The following ATG7 variants were observed in gnomAD, a reference collection of about 807,000 sequenced individuals.
The protein encoded by ATG7 is autophagy related 7, also known as ubiquitin-like modifier-activating enzyme ATG7.
Under a neutral mutation model 82.4 loss-of-function variants are expected in ATG7, and 70 were observed. That is an observed-to-expected ratio of 0.85 (90% CI 0.70 to 1.04). ATG7 has a LOEUF of 1.04. Ranked by LOEUF, ATG7 falls within the 50% of genes least tolerant of loss-of-function variation. The pLI is 0.00. For synonymous variants in ATG7, 287 were observed against 313.0 expected (o/e 0.92, Z 0.88); for missense variants, 792 against 864.3 (o/e 0.92, Z 1.05).
chr3:11,497,244 G>T (rs2090901919), intron 20 of ATG7, among the ~76,000 whole-genome samples: 1 of 149,034 alleles, frequency 6.7e-6, no homozygotes, highest in Non-Finnish European at 1.5e-5. Context: ...AGGCACAGTG[G>T]CTCATGCCTG....
At chr3:11,379,570 T>C (rs1321346873) in intron 18 of ATG7, among the ~76,000 whole-genome samples, 4 of 152,208 alleles carry the variant, frequency 2.6e-5, no homozygotes, top group African/African-American at 9.7e-5. Flanking sequence ...AATCATGTCA[T>C]AGAAATGTGT....
At chr3:11,560,067 C>G (rs1003709125), downstream of ATG7, among the ~76,000 whole-genome samples, 1 of 152,130 alleles carries the variant, frequency 6.6e-6, no homozygotes, top group East Asian at 1.9e-4. Flanking sequence ...CCCCCACCCC[C>G]ACGCTGTCTG....
At chr3:11,336,046 T>C (rs1952425028) in intron 11 of ATG7, among the ~76,000 whole-genome samples, 2 of 149,268 alleles carry the variant, frequency 1.3e-5, no homozygotes, top group Non-Finnish European at 3.0e-5. Context: ...ATTTTTTTTT[T>C]TTTTTTTTTT....
intron 18 of ATG7, among the ~76,000 whole-genome samples, chr3:11,367,960 C>G (rs2076736856): frequency 6.6e-6 from 1 of 151,816 alleles, no homozygotes; most frequent in Non-Finnish European, 1.5e-5. Flanking sequence ...GTCTTATACC[C>G]AGCACACAGA....
intron 20 of ATG7, among the ~76,000 whole-genome samples, chr3:11,435,884 AAG>A (rs967501450): frequency 1.3e-5 from 2 of 152,186 alleles, no homozygotes; most frequent in African/African-American, 4.8e-5. Flanking sequence ...GCCACAGTAT[AAG>A]AGAGAACAGC....
chr3:11,447,068 T>G (rs2084633134), intron 20 of ATG7: 1 of 152,296 alleles, frequency 6.6e-6, no homozygotes, highest in South Asian at 2.1e-4. Context: ...ATTTACTCAC[T>G]TGATCATCAT....
chr3:11,279,705 A>G (rs1324480535), intron 1 of ATG7, among the ~76,000 whole-genome samples: 3 of 151,820 alleles, frequency 2.0e-5, no homozygotes, highest in Non-Finnish European at 2.9e-5. Flanking sequence ...CTCAAAAAAC[A>G]AAAAATAAAA....
intron 19 of ATG7, among the ~76,000 whole-genome samples, chr3:11,400,907 A>T (rs1031546212): frequency 6.6e-6 from 1 of 152,188 alleles, no homozygotes; most frequent in African/African-American, 2.4e-5. Flanking sequence ...TACCGTAAGT[A>T]ATTTATTAAA....
At chr3:11,393,628 G>A (rs2078988236) in intron 19 of ATG7, among the ~76,000 whole-genome samples, 1 of 152,132 alleles carries the variant, frequency 6.6e-6, no homozygotes, top group South Asian at 2.1e-4. Flanking sequence ...ATTGATGAAT[G>A]GCTCACCATG....
chr3:11,324,497 A>G (rs1950598428), intron 9 of ATG7, among the ~76,000 whole-genome samples: 1 of 152,152 alleles, frequency 6.6e-6, no homozygotes, highest in African/African-American at 2.4e-5. Flanking sequence ...TATGGGTAGG[A>G]AAGTTACCTT....
At chr3:11,543,029 C>A (rs560140607) in intron 20 of ATG7, among the ~76,000 whole-genome samples, 1 of 152,324 alleles carries the variant, frequency 6.6e-6, no homozygotes, top group South Asian at 2.1e-4. Context: ...TGCTGCCCCC[C>A]TCCCTGGAGG....
intron 9 of ATG7, among the ~76,000 whole-genome samples, chr3:11,320,329 C>T (rs948386827): frequency 6.6e-6 from 1 of 151,904 alleles, no homozygotes; most frequent in Non-Finnish European, 1.5e-5. Context: ...CTTTGTTGCC[C>T]AGGCTGGAGT....
intron 20 of ATG7, among the ~76,000 whole-genome samples, chr3:11,553,925 G>A (rs2125071616): frequency 6.6e-6 from 1 of 152,324 alleles, no homozygotes; most frequent in Non-Finnish European, 1.5e-5. Context: ...GCACTGAGGT[G>A]GCCTTTTGCA....
intron 20 of ATG7, among the ~76,000 whole-genome samples, chr3:11,532,110 G>T (rs1274511113): frequency 6.6e-6 from 1 of 152,110 alleles, no homozygotes; most frequent in Non-Finnish European, 1.5e-5. Context: ...GGACTGTGGG[G>T]CGCTGCAGGG....
chr3:11,512,417 G>T (rs80191019), intron 20 of ATG7, among the ~76,000 whole-genome samples: 157 of 152,330 alleles, frequency 1.0e-3, no homozygotes, highest in African/African-American at 3.7e-3. Context: ...TCCACTCTCT[G>T]AGCTTTGGTT....
chr3:11,341,855 G>A (rs1953697200), intron 12 of ATG7, among the ~76,000 whole-genome samples: 1 of 152,086 alleles, frequency 6.6e-6, no homozygotes, highest in African/African-American at 2.4e-5. Context: ...TTTTATTCAT[G>A]GACACCATGA....
At chr3:11,491,745 CCT>C (rs1559739786) in intron 20 of ATG7, among the ~76,000 whole-genome samples, 2 of 152,102 alleles carry the variant, frequency 1.3e-5, no homozygotes, top group African/African-American at 4.8e-5. Flanking sequence ...CAGTCCAGAC[CCT>C]GTTTGCCTGG....
At chr3:11,306,345 C>A (rs1055468346) in intron 5 of ATG7, among the ~76,000 whole-genome samples, 2 of 152,210 alleles carry the variant, frequency 1.3e-5, no homozygotes, top group African/African-American at 2.4e-5. Context: ...GTGGGTATGA[C>A]TGTAGTTCTT....
At chr3:11,335,543 C>A (rs539334379) in intron 11 of ATG7, among the ~76,000 whole-genome samples, 1 of 152,308 alleles carries the variant, frequency 6.6e-6, no homozygotes, top group East Asian at 1.9e-4. Context: ...GTCTGTGTGT[C>A]TGACAAGCTG....
Sources: allele counts gnomAD v4.1 joint callset (sites outside exome capture counted in the v4.1 genomes callset), GRCh38; gene constraint gnomAD v4.1.1; transcripts MANE v1.5; gene names NCBI Gene and HGNC (gene_info 2026-07-23, HGNC 2026-07-21).